The following COMMD7 variants were observed in gnomAD, a reference collection of about 807,000 sequenced individuals.
COMMD7 encodes the protein COMM domain-containing protein 7.
In COMMD7, 28 loss-of-function variants were observed where a neutral mutation model predicts 34.8. That is an observed-to-expected ratio of 0.80 (90% CI 0.60 to 1.10). The LOEUF (loss-of-function observed/expected upper bound fraction) is 1.10. Among genes scored for constraint, COMMD7 ranks in the 50% least tolerant of loss-of-function variants. The pLI is 0.00. For missense variants in COMMD7, 211 were observed against 241.6 expected (o/e 0.87, Z 0.84); for synonymous variants, 80 against 86.4 (o/e 0.93, Z 0.41).
At chr20:32,703,756 G>A (rs1239171279) in intron 8 of COMMD7, 13 of 1,475,808 alleles carry the variant, frequency 8.8e-6, no homozygotes, top group African/African-American at 7.1e-5. Context: ...CTTCTTGCTC[G>A]TCAACCTTCT....
intron 1 of COMMD7, among the ~76,000 whole-genome samples, chr20:32,732,589 G>GT (rs1280037725): frequency 6.6e-6 from 1 of 151,890 alleles, no homozygotes; most frequent in Non-Finnish European, 1.5e-5. Flanking sequence ...GCAACATAGT[G>GT]AGAGCCCATC....
chr20:32,716,873 T>G (rs1056775363), intron 3 of COMMD7, among the ~76,000 whole-genome samples: 2 of 148,114 alleles, frequency 1.4e-5, no homozygotes, highest in Non-Finnish European at 3.0e-5. Context: ...TTTTTTTTTT[T>G]CATAATATGG....
In COMMD7 at chr20:32,703,840, C is replaced by T. The variant is rs573522749; in HGVS notation, c.526+183G>A. The T allele has an allele frequency of 1.4e-4, 218 of 1,543,964 alleles. 2 individuals are homozygous for T. In the South Asian group the frequency reaches 2.4e-3, roughly 17 times the overall value. The stretch of plus-strand genomic sequence containing the variant: ...GCTCTTCAACTGTGGGGGCTCCAAC[C>T]TGCCAGTGGCTTTCTAACACTCCTT... On this transcript the variant is annotated intron_variant, in intron 8 of 8. Transcript: ENST00000278980.
At chr20:32,731,835 A>G (rs1009238478) in intron 1 of COMMD7, among the ~76,000 whole-genome samples, 1 of 152,212 alleles carries the variant, frequency 6.6e-6, no homozygotes, top group Non-Finnish European at 1.5e-5. Flanking sequence ...CTATCTATGC[A>G]TGCATCTCAA....
chr20:32,713,064 T>C (rs76345774), intron 3 of COMMD7, among the ~76,000 whole-genome samples: 2 of 151,376 alleles, frequency 1.3e-5, no homozygotes, highest in African/African-American at 4.9e-5. Flanking sequence ...TTTTTTTTTT[T>C]TGAGACAGAG....
intron 6 of COMMD7, 99 bp downstream of exon 6, chr20:32,704,715 A>G (rs2145704309): frequency 1.1e-6 from 1 of 893,754 alleles, no homozygotes; most frequent in Middle Eastern, 2.3e-4. Context: ...CAACAGTGCT[A>G]GGGACTAGGT....
chr20:32,707,004 T>C (rs1230012845), intron 3 of COMMD7, among the ~76,000 whole-genome samples: 2 of 151,144 alleles, frequency 1.3e-5, no homozygotes, highest in Non-Finnish European at 2.9e-5. Context: ...CCGGGCACGG[T>C]AGCTCAAGCC....
intron 3 of COMMD7, among the ~76,000 whole-genome samples, chr20:32,714,857 A>AACAACAACAAC (rs1568778705): frequency 2.2e-4 from 11 of 49,524 alleles, no homozygotes; most frequent in African/African-American, 6.5e-4. Context: ...ACAACAACAA[A>AACAACAACAAC]AATTAGCCAG....
chr20:32,720,463 C>A (rs1385329812), intron 3 of COMMD7, among the ~76,000 whole-genome samples: 2 of 151,670 alleles, frequency 1.3e-5, no homozygotes, highest in Non-Finnish European at 2.9e-5. Context: ...CCATTGCACT[C>A]CAGCCTGGGA....
At chr20:32,709,526 GGCGACAGA>G (rs1443632803) in intron 3 of COMMD7, among the ~76,000 whole-genome samples, 1 of 152,162 alleles carries the variant, frequency 6.6e-6, no homozygotes, top group Non-Finnish European at 1.5e-5. Context: ...CTCAAGCCTG[GGCGACAGA>G]GCGAGACTCC....
intron 3 of COMMD7, among the ~76,000 whole-genome samples, chr20:32,722,226 CA>C (rs1404019787): frequency 5.0e-5 from 4 of 80,218 alleles, no homozygotes; most frequent in East Asian, 4.0e-4. Flanking sequence ...GCCTGGGTGA[CA>C]AGAGCAAAAC....
intron 5 of COMMD7, among the ~76,000 whole-genome samples, chr20:32,705,376 A>ATATATATATATTTTT (rs1335467096): frequency 1.6e-5 from 2 of 125,452 alleles, no homozygotes; most frequent in African/African-American, 6.9e-5. Flanking sequence ...ATATATATAT[A>ATATATATATATTTTT]TTTTTTTTTT....
intron 1 of COMMD7, among the ~76,000 whole-genome samples, chr20:32,731,982 C>T (rs1184470461): frequency 2.0e-5 from 3 of 152,210 alleles, no homozygotes; most frequent in East Asian, 1.9e-4. Flanking sequence ...TTGACTAGGA[C>T]ACCAGTGCTG....
intron 3 of COMMD7, among the ~76,000 whole-genome samples, chr20:32,723,045 A>AAATAAATAATAAT (rs1555806267): frequency 5.0e-5 from 2 of 40,384 alleles, no homozygotes; most frequent in African/African-American, 1.7e-4. Flanking sequence ...ATAAATAAAT[A>AAATAAATAATAAT]AATAATAATA....
At chr20:32,728,869 A>G (rs1568790043) in intron 1 of COMMD7, among the ~76,000 whole-genome samples, 1 of 151,790 alleles carries the variant, frequency 6.6e-6, no homozygotes, top group South Asian at 2.1e-4. Flanking sequence ...CTGGCCTCAT[A>G]TTTTCTTGGG....
At chr20:32,711,361 C>A (rs2066420172) in intron 3 of COMMD7, among the ~76,000 whole-genome samples, 1 of 149,146 alleles carries the variant, frequency 6.7e-6, no homozygotes, top group African/African-American at 2.5e-5. Context: ...CACACCACTG[C>A]ACTCCAGCCT....
Position 32,738,204 on chromosome 20 carries a change from C to T in COMMD7, c.84+5104G>A, listed in dbSNP as rs1986249774. Reference sequence around the variant, plus strand: ...GCAATGCCATGGTCATAGCTCACTGCAGCCTCAAACTTCTGGGCTTAAGGG... The same window carrying T: ...GCAATGCCATGGTCATAGCTCACTGTAGCCTCAAACTTCTGGGCTTAAGGG... On this transcript the variant is annotated intron_variant, in intron 1 of 8. Transcript: ENST00000278980. 2.0e-5 allele frequency among the ~76,000 whole-genome samples: 3 copies of T among 152,148 alleles called. No individual in the cohort carries two copies. The South Asian group carries it at 6.2e-4, about 31-fold the overall frequency.
chr20:32,722,940 A>C (rs552986706), intron 3 of COMMD7, among the ~76,000 whole-genome samples: 2 of 151,364 alleles, frequency 1.3e-5, no homozygotes, highest in East Asian at 3.9e-4. Flanking sequence ...AATGGCGTGA[A>C]CCTGGTAGGC....
intron 1 of COMMD7, among the ~76,000 whole-genome samples, chr20:32,733,352 G>A (rs1458479087): frequency 2.6e-5 from 4 of 152,004 alleles, no homozygotes; most frequent in African/African-American, 4.8e-5. Context: ...AGGTTGAGGC[G>A]GGGGGATAAC....
Sources: gnomAD v4.1 joint callset for allele counts (sites outside exome capture counted in the v4.1 genomes callset) on GRCh38, gnomAD v4.1.1 for gene constraint, MANE v1.5 for transcripts, NCBI Gene and HGNC (gene_info 2026-07-23, HGNC 2026-07-21) for gene names.